Variants in ELMO1 observed in about 807,000 individuals in gnomAD.
ELMO1 encodes the protein engulfment and cell motility 1, also known as engulfment and cell motility protein 1.
Under a neutral mutation model 98.9 loss-of-function variants are expected in ELMO1, and 26 were observed. The ratio of observed to expected loss-of-function variants is 0.26; its 90% CI spans 0.19 to 0.36. The LOEUF (loss-of-function observed/expected upper bound fraction) is 0.36. Among genes scored for constraint, ELMO1 ranks in the 10% least tolerant of loss-of-function variants. The pLI is 1.00. For missense variants in ELMO1, 627 were observed against 935.2 expected, an observed-to-expected ratio of 0.67 and a Z score of 4.30; for synonymous variants, 346 against 346.0, an observed-to-expected ratio of 1.00 and a Z score of 0.00.
At chr7:37,000,304 C>G (rs576271568) in intron 16 of ELMO1, among the ~76,000 whole-genome samples, 1 of 152,194 alleles carries the variant, frequency 6.6e-6, no homozygotes, top group Admixed American at 6.5e-5. Context: ...AAATGGAAAT[C>G]TGGCATTATA....
chr7:36,901,839 G>A (rs553807109), intron 16 of ELMO1, among the ~76,000 whole-genome samples: 1 of 152,084 alleles, frequency 6.6e-6, no homozygotes, highest in Non-Finnish European at 1.5e-5. Flanking sequence ...AACAACTTAC[G>A]TATCTTCACA....
intron 2 of ELMO1, among the ~76,000 whole-genome samples, chr7:37,323,744 C>A (rs1289173014): frequency 6.6e-6 from 1 of 152,132 alleles, no homozygotes. Flanking sequence ...TTTCTATATT[C>A]TTTTTCCTTT....
chr7:37,033,018 C>A (rs923284191), intron 15 of ELMO1, among the ~76,000 whole-genome samples: 3 of 152,100 alleles, frequency 2.0e-5, no homozygotes, highest in African/African-American at 7.2e-5. Flanking sequence ...AGCCAAAACG[C>A]CGAGAAGCGA....
intron 16 of ELMO1, among the ~76,000 whole-genome samples, chr7:36,904,144 T>C (rs1783787974): frequency 6.6e-6 from 1 of 152,190 alleles, no homozygotes; most frequent in African/African-American, 2.4e-5. Context: ...GTTCCCAGAA[T>C]CTCCATCAGA....
chr7:37,315,592 A>G (rs560750211), intron 3 of ELMO1, among the ~76,000 whole-genome samples: 4 of 152,332 alleles, frequency 2.6e-5, no homozygotes, highest in Admixed American at 2.6e-4. Context: ...TGGTCCTCTC[A>G]GTTTATACCA....
intron 16 of ELMO1, among the ~76,000 whole-genome samples, chr7:36,910,015 T>C (rs1174097743): frequency 1.3e-5 from 2 of 152,134 alleles, no homozygotes; most frequent in Non-Finnish European, 2.9e-5. Flanking sequence ...GCGTAAGGCA[T>C]TGCATAGACA....
At chr7:36,873,976 G>A (rs1245360529) in intron 19 of ELMO1, among the ~76,000 whole-genome samples, 1 of 152,214 alleles carries the variant, frequency 6.6e-6, no homozygotes. Flanking sequence ...AGAAATATGA[G>A]GAGGTACAGG....
rs76643031 is a variant in ELMO1 at position 36,961,582 on chromosome 7, T to C, written c.1437+51717A>G. ...TTTTCAGTTTCACAAAAGTACTTTT[T>C]CTGAAAACCTCACCATTAATTGAAT... On this transcript the variant is annotated intron_variant, in intron 16 of 21. Transcript: ENST00000310758. 4.3e-3 allele frequency among the ~76,000 whole-genome samples: 650 copies of C among 152,354 alleles called. 11 individuals carry two copies. Among genetic ancestry groups the C allele is most frequent in the African/African-American group, 0.015 (620 of 41,578 alleles).
intron 19 of ELMO1, among the ~76,000 whole-genome samples, chr7:36,875,263 G>A (rs1460622099): frequency 7.1e-6 from 1 of 141,612 alleles, no homozygotes; most frequent in Non-Finnish European, 1.6e-5. Flanking sequence ...TTATTAGGCC[G>A]GGCTTTTTTT....
intron 4 of ELMO1, among the ~76,000 whole-genome samples, chr7:37,284,658 G>T (rs1797301631): frequency 6.6e-6 from 1 of 152,020 alleles, no homozygotes; most frequent in Non-Finnish European, 1.5e-5. Flanking sequence ...CAATAGGATG[G>T]TTTTGTAACA....
intron 16 of ELMO1, among the ~76,000 whole-genome samples, chr7:36,977,846 G>A (rs1039302376): frequency 6.6e-6 from 1 of 152,206 alleles, no homozygotes; most frequent in African/African-American, 2.4e-5. Context: ...AGGTAAACAG[G>A]CATGGAAATG....
rs528386372 is a variant in ELMO1, at chr7:36,855,201, G to C, written c.*350C>G. ...GTGGGCAAGTTTTTGGGCAGTCTGG[G>C]GCTGCTGGCTTTCCTGCCCAAGGGA... On this transcript the variant is annotated 3_prime_UTR_variant, in exon 22 of 22. Transcript: ENST00000310758. The surrounding 1 kb of genome is among the most constrained non-coding windows in gnomAD (Gnocchi z 4.2). The C allele has an allele frequency of 3.7e-5, 12 of 323,982 alleles. No individual in the cohort carries two copies. Among genetic ancestry groups the C allele is most frequent in the Non-Finnish European group, 7.1e-5 (12 of 169,544 alleles). 20.1% of individuals were successfully genotyped at this position (323,982 alleles called of 1,614,324 possible). A position where few individuals can be genotyped will look rare whatever the true frequency, so the allele number is the denominator to read the frequency against.
intron 4 of ELMO1, among the ~76,000 whole-genome samples, chr7:37,312,346 C>T (rs1238787079): frequency 1.3e-5 from 2 of 152,222 alleles, no homozygotes; most frequent in Non-Finnish European, 2.9e-5. Context: ...GCCTTGGCCT[C>T]CCAAAGTGCT....
chr7:37,347,135 T>C (rs1237648694), intron 1 of ELMO1, among the ~76,000 whole-genome samples: 3 of 152,232 alleles, frequency 2.0e-5, no homozygotes, highest in Non-Finnish European at 4.4e-5. Context: ...AATTGCAGAA[T>C]GGATAATCTA....
intron 1 of ELMO1, among the ~76,000 whole-genome samples, chr7:37,402,562 G>C (rs2131464602): frequency 6.6e-6 from 1 of 152,292 alleles, no homozygotes; most frequent in Admixed American, 6.5e-5. Flanking sequence ...AAGACAGAAA[G>C]CCAACATACT....
intron 1 of ELMO1, among the ~76,000 whole-genome samples, chr7:37,440,750 CAG>C (rs1021099507): frequency 2.1e-4 from 30 of 143,512 alleles, no homozygotes; most frequent in African/African-American, 7.4e-4. Context: ...GCCTGGGTGA[CAG>C]AGTGAGACTC....
chr7:37,324,822 C>A (rs1418667837), intron 2 of ELMO1, among the ~76,000 whole-genome samples: 1 of 152,188 alleles, frequency 6.6e-6, no homozygotes, highest in Non-Finnish European at 1.5e-5. Context: ...AAGCAATTCT[C>A]CCACATTGGC....
At chr7:37,112,165 G>C (rs891322750) in intron 14 of ELMO1, among the ~76,000 whole-genome samples, 3 of 152,046 alleles carry the variant, frequency 2.0e-5, no homozygotes, top group Non-Finnish European at 2.9e-5. Flanking sequence ...TAATTTAGAT[G>C]GTCCAGTGAC....
chr7:37,119,398 C>T (rs1040075002), intron 14 of ELMO1, among the ~76,000 whole-genome samples: 2 of 152,196 alleles, frequency 1.3e-5, no homozygotes, highest in African/African-American at 2.4e-5. Flanking sequence ...TTTTCTCACG[C>T]TAGGTAATTT....
Sources: gnomAD v4.1 joint callset for allele counts (sites outside exome capture counted in the v4.1 genomes callset) on GRCh38, gnomAD v4.1.1 for gene constraint, Gnocchi (gnomAD v3.1) non-coding constraint, MANE v1.5 for transcripts, NCBI Gene and HGNC (gene_info 2026-07-23, HGNC 2026-07-21) for gene names.